RPIA: variants seen among roughly 807,000 people sequenced by gnomAD.
RPIA encodes ribose-5-phosphate isomerase.
Under a neutral mutation model 37.8 loss-of-function variants are expected in RPIA, and 29 were observed. The observed-to-expected ratio is 0.77, with a 90% CI of 0.57 to 1.05. RPIA has a LOEUF of 1.05. Ranked by LOEUF, RPIA falls within the 50% of genes least tolerant of loss-of-function variation. The pLI is 0.00. For missense variants in RPIA, 385 were observed against 413.6 expected (o/e 0.93, Z 0.60); for synonymous variants, 167 against 157.0 (o/e 1.06, Z -0.48).
rs748572192 is a variant in RPIA, at chr2:88,691,706, G to A, written c.8G>A (p.Arg3His). The A allele has an allele frequency of 7.0e-6, 11 of 1,574,238 alleles. No individual in the cohort carries two copies. The Admixed American group carries it at 7.2e-5, about 10-fold the overall frequency. Reference protein sequence around the residue: MQRPGPFSTLYGR... With the variant: MQHPGPFSTLYGR... ...CCGGAGCGAGGCGTCGGGATGCAGC[G>A]CCCCGGGCCCTTCAGCACCCTCTAC... The change falls in exon 1 of 9, where the codon CGC (arginine) becomes CAC (histidine). Residue 3 changes from arginine (R) to histidine (H), a missense_variant. Transcript: ENST00000283646.
intron 3 of RPIA, among the ~76,000 whole-genome samples, chr2:88,715,424 T>C (rs978574366): frequency 1.3e-5 from 2 of 152,178 alleles, no homozygotes; most frequent in African/African-American, 4.8e-5. Context: ...ATCCCATCTA[T>C]AAGAACAATG....
chr2:88,695,194 G>T (rs1672715571), intron 1 of RPIA, among the ~76,000 whole-genome samples: 1 of 152,058 alleles, frequency 6.6e-6, no homozygotes, highest in Non-Finnish European at 1.5e-5. Context: ...TTTTCCCTGA[G>T]TTCTGTGAGC....
At chr2:88,736,399 G>T in intron 6 of RPIA, 136 bp from the exon 7 acceptor site, 1 of 780,918 alleles carries the variant, frequency 1.3e-6, no homozygotes, top group Non-Finnish European at 2.2e-6. Flanking sequence ...TAATTCATTT[G>T]TAGCCCCATG....
At chr2:88,721,545 A>C (rs1673128243) in intron 3 of RPIA, among the ~76,000 whole-genome samples, 1 of 15,876 alleles carries the variant, frequency 6.3e-5, no homozygotes, top group African/African-American at 2.7e-4. Context: ...TATATATTAT[A>C]CACACACACA....
chr2:88,735,584 T>A (rs1245876745), intron 5 of RPIA, 85 bp from the exon 6 acceptor site: 28 of 1,201,534 alleles, frequency 2.3e-5, no homozygotes, highest in Non-Finnish European at 3.4e-5. Flanking sequence ...CAGGATTGAG[T>A]GGATTTGGGA....
intron 8 of RPIA, among the ~76,000 whole-genome samples, chr2:88,738,458 T>C (rs1673342827): frequency 6.6e-6 from 1 of 152,198 alleles, no homozygotes; most frequent in Non-Finnish European, 1.5e-5. Context: ...GGAAAATGAC[T>C]CAGTTAATCC....
intron 3 of RPIA, among the ~76,000 whole-genome samples, chr2:88,714,109 G>A (rs1673002167): frequency 6.6e-6 from 1 of 151,240 alleles, no homozygotes; most frequent in Admixed American, 6.6e-5. Context: ...AAATATTGTT[G>A]GATTGTTTGG....
intron 3 of RPIA, among the ~76,000 whole-genome samples, chr2:88,715,307 G>T (rs1673020772): frequency 6.6e-6 from 1 of 152,200 alleles, no homozygotes; most frequent in African/African-American, 2.4e-5. Context: ...TCTTCGGGGG[G>T]AAGGGAGGCT....
intron 3 of RPIA, among the ~76,000 whole-genome samples, chr2:88,706,900 A>G (rs1019576784): frequency 2.6e-5 from 4 of 152,170 alleles, no homozygotes; most frequent in African/African-American, 4.8e-5. Flanking sequence ...TACTAACACT[A>G]TGTTATATGT....
intron 3 of RPIA, among the ~76,000 whole-genome samples, chr2:88,718,621 C>T (rs74904316): frequency 0.01 from 1,580 of 152,210 alleles, 28 homozygotes; most frequent in African/African-American, 0.034. Context: ...CAAGGGGCTC[C>T]ATAAGTCAGT....
intron 3 of RPIA, 124 bp from the exon 4 acceptor site, chr2:88,729,154 G>T: frequency 2.1e-6 from 2 of 952,336 alleles, no homozygotes; most frequent in Non-Finnish European, 3.3e-6. Context: ...CTCATGGTGG[G>T]CCATGCTGGG....
At chr2:88,718,510 T>C (rs1022099897) in intron 3 of RPIA, among the ~76,000 whole-genome samples, 2 of 152,140 alleles carry the variant, frequency 1.3e-5, no homozygotes, top group African/African-American at 2.4e-5. Context: ...CAAGATAAAC[T>C]TGGGCCTCCT....
chr2:88,708,199 C>T (rs1185399985), intron 3 of RPIA, among the ~76,000 whole-genome samples: 3 of 152,212 alleles, frequency 2.0e-5, no homozygotes, highest in African/African-American at 7.2e-5. Context: ...CAGGTCTTGT[C>T]TGCTTTCCAT....
intron 3 of RPIA, among the ~76,000 whole-genome samples, chr2:88,727,653 C>G (rs149548881): frequency 1.3e-5 from 2 of 152,106 alleles, no homozygotes; most frequent in African/African-American, 4.8e-5. Context: ...TCTGTTCCTG[C>G]GCTAGTTTGC....
Position 88,698,521 on chromosome 2 carries a change from T to C in RPIA, c.323T>C (p.Ile108Thr). ...CTGGGAATTGGAAGTGGTTCTACAATTGTCCATGCTGTGCAGCGAATAGGT... is the reference window on the plus strand; with the variant it reads ...CTGGGAATTGGAAGTGGTTCTACAACTGTCCATGCTGTGCAGCGAATAGGT... ...QVLGIGSGST[I>T]VHAVQRIAER... Residue 108 changes from isoleucine (I) to threonine (T), a missense_variant, in exon 2 of 9, where the codon ATT becomes ACT. Ile to Thr is a moderately conservative substitution (Grantham distance 89). Coordinates refer to ENST00000283646, the MANE Select transcript of RPIA (RefSeq NM_144563.3). The C allele has an allele frequency of 6.2e-7, 1 of 1,614,198 alleles. No individual in the cohort carries two copies. Among genetic ancestry groups the C allele is most frequent in the Non-Finnish European group, 8.5e-7 (1 of 1,180,008 alleles).
At chr2:88,748,026 T>C (rs1485072502) in intron 8 of RPIA, among the ~76,000 whole-genome samples, 2 of 152,232 alleles carry the variant, frequency 1.3e-5, no homozygotes, top group African/African-American at 4.8e-5. Flanking sequence ...GTATTTATCC[T>C]TTTGAATTTG....
In RPIA at chr2:88,704,675, A is replaced by T. The variant is rs957838106; in HGVS notation, c.402+4611A>T. ...GAGCAGGGTATAGAAATTAAGGGTC[A>T]TCTCTCTCACCGCTCCCGTTCAACA... is the stretch of plus-strand genomic sequence containing the variant. On this transcript the variant is annotated intron_variant, in intron 3 of 8. Transcript: ENST00000283646. Among the ~76,000 whole-genome samples, 4 of 152,150 alleles carry T rather than the reference A, an allele frequency of 2.6e-5. No individual in the cohort carries two copies. The South Asian group carries it at 8.3e-4, about 32-fold the overall frequency.
intron 1 of RPIA, among the ~76,000 whole-genome samples, chr2:88,696,608 T>C (rs1387287370): frequency 6.6e-6 from 1 of 152,092 alleles, no homozygotes; most frequent in East Asian, 1.9e-4. Flanking sequence ...AAAACAAATA[T>C]ATGTCAAAGA....
intron 4 of RPIA, 152 bp downstream of exon 4, chr2:88,729,489 T>C: frequency 1.2e-6 from 1 of 804,200 alleles, no homozygotes; most frequent in Non-Finnish European, 2.1e-6. Flanking sequence ...AGTATTAATT[T>C]TGGCTGAGGT....
Sources: allele counts gnomAD v4.1 joint callset (sites outside exome capture counted in the v4.1 genomes callset), GRCh38; gene constraint gnomAD v4.1.1; transcripts MANE v1.5; gene names NCBI Gene and HGNC (gene_info 2026-07-23, HGNC 2026-07-21).